The following GRID2 variants were observed in gnomAD, a reference collection of about 807,000 sequenced individuals.
The protein encoded by GRID2 is glutamate receptor ionotropic, delta-2.
A neutral mutation model predicts 114.8 loss-of-function variants in GRID2; 33 were observed. The ratio of observed to expected loss-of-function variants is 0.29; its 90% CI spans 0.22 to 0.38. The LOEUF (loss-of-function observed/expected upper bound fraction) is 0.38, where lower values mean the gene tolerates loss of function less well. Among genes scored for constraint, GRID2 ranks in the 10% least tolerant of loss-of-function variants. The pLI, the probability that GRID2 is intolerant of heterozygous loss-of-function variation, is 1.00. For missense variants in GRID2, 1,184 were observed against 1,257.7 expected (o/e 0.94, Z 0.89); for synonymous variants, 505 against 449.9 (o/e 1.12, Z -1.55).
intron 8 of GRID2, among the ~76,000 whole-genome samples, chr4:93,366,570 G>A (rs950590206): frequency 7.9e-5 from 12 of 151,886 alleles, no homozygotes; most frequent in Admixed American, 3.9e-4. Context: ...CCCTGCCTCC[G>A]CTTGCCTTGT....
intron 8 of GRID2, among the ~76,000 whole-genome samples, chr4:93,324,494 T>C (rs1377904094): frequency 6.6e-6 from 1 of 152,166 alleles, no homozygotes; most frequent in African/African-American, 2.4e-5. Flanking sequence ...GGTCTAAAAG[T>C]CTCTTTTTTT....
chr4:92,305,204 G>C (rs1196293243), intron 1 of GRID2, among the ~76,000 whole-genome samples: 1 of 152,136 alleles, frequency 6.6e-6, no homozygotes, highest in Non-Finnish European at 1.5e-5. Flanking sequence ...CCTTCGGATC[G>C]AACAGGTGGT....
chr4:93,783,484 T>C (rs1420202814), intron 1 of GRID2, among the ~76,000 whole-genome samples: 2 of 152,170 alleles, frequency 1.3e-5, no homozygotes, highest in African/African-American at 4.8e-5. Flanking sequence ...CACTATGGGA[T>C]CCATAAAAAT....
intron 2 of GRID2, among the ~76,000 whole-genome samples, chr4:92,800,820 A>G (rs947119730): frequency 2.0e-5 from 3 of 151,994 alleles, no homozygotes; most frequent in Admixed American, 6.6e-5. Flanking sequence ...AATGTTTTCC[A>G]TATAATAAGA....
chr4:93,205,707 G>C (rs1029725105), intron 4 of GRID2, among the ~76,000 whole-genome samples: 4 of 152,018 alleles, frequency 2.6e-5, no homozygotes, highest in African/African-American at 9.7e-5. Context: ...GGTATTTCTA[G>C]TTCTAGACCC....
At chr4:92,358,215 G>A (rs1326489016) in intron 1 of GRID2, among the ~76,000 whole-genome samples, 1 of 151,996 alleles carries the variant, frequency 6.6e-6, no homozygotes. Context: ...GCAAGAATGT[G>A]CAAAGCACTG....
At chr4:93,402,599 C>G (rs1326555958) in intron 9 of GRID2, among the ~76,000 whole-genome samples, 1 of 151,904 alleles carries the variant, frequency 6.6e-6, no homozygotes, top group Non-Finnish European at 1.5e-5. Flanking sequence ...GAGTTTTAGG[C>G]CCCGTCACTG....
At chr4:92,724,298 C>G (rs1338134268) in intron 2 of GRID2, among the ~76,000 whole-genome samples, 1 of 152,124 alleles carries the variant, frequency 6.6e-6, no homozygotes, top group Non-Finnish European at 1.5e-5. Flanking sequence ...CCACCACTTT[C>G]CCATCCTTCA....
At chr4:93,574,479 A>G (rs1029961343) in intron 13 of GRID2, among the ~76,000 whole-genome samples, 20 of 152,208 alleles carry the variant, frequency 1.3e-4, no homozygotes, top group African/African-American at 4.3e-4. Flanking sequence ...TTACAGTTCC[A>G]TGTGGCTGCA....
chr4:92,553,372 G>A (rs1039189189), intron 1 of GRID2, among the ~76,000 whole-genome samples: 1 of 152,154 alleles, frequency 6.6e-6, no homozygotes, highest in African/African-American at 2.4e-5. Flanking sequence ...ATGGTTTAAT[G>A]TGTTGAACAG....
At chr4:93,675,649 C>T (rs1386877398) in intron 14 of GRID2, among the ~76,000 whole-genome samples, 1 of 152,118 alleles carries the variant, frequency 6.6e-6, no homozygotes, top group African/African-American at 2.4e-5. Flanking sequence ...GGCAGTGGAT[C>T]CCGAGCTCAC....
intron 1 of GRID2, among the ~76,000 whole-genome samples, chr4:93,802,282 A>G (rs1040903646): frequency 6.6e-6 from 1 of 152,202 alleles, no homozygotes; most frequent in Non-Finnish European, 1.5e-5. Flanking sequence ...GGAGCTCTTC[A>G]TCACTTACAT....
At chr4:93,539,849 T>C (rs1732475955) in intron 13 of GRID2, among the ~76,000 whole-genome samples, 1 of 152,028 alleles carries the variant, frequency 6.6e-6, no homozygotes, top group Admixed American at 6.6e-5. Flanking sequence ...TGGTATCTCT[T>C]CTTGGTTCCT....
chr4:92,613,529 G>T (rs1729851879), intron 2 of GRID2, among the ~76,000 whole-genome samples: 1 of 151,450 alleles, frequency 6.6e-6, no homozygotes, highest in African/African-American at 2.4e-5. Flanking sequence ...GAAGTTAGCA[G>T]TATGTTCTGA....
intron 2 of GRID2, among the ~76,000 whole-genome samples, chr4:92,974,639 A>T (rs1258072487): frequency 2.0e-5 from 3 of 151,968 alleles, no homozygotes; most frequent in Non-Finnish European, 4.4e-5. Flanking sequence ...AACAATGAGA[A>T]CACATGGACA....
chr4:92,466,987 A>G (rs1245778203), intron 1 of GRID2, among the ~76,000 whole-genome samples: 1 of 151,796 alleles, frequency 6.6e-6, no homozygotes, highest in Admixed American at 6.6e-5. Context: ...TTAAAATCTT[A>G]ATTATCAATG....
chr4:93,175,240 G>A (rs1487131451), intron 4 of GRID2, among the ~76,000 whole-genome samples: 13 of 151,896 alleles, frequency 8.6e-5, no homozygotes, highest in Admixed American at 2.6e-4. Flanking sequence ...GCATGATCTC[G>A]GCTCACCGCA....
At chr4:92,780,812 C>T (rs1182059025) in intron 2 of GRID2, among the ~76,000 whole-genome samples, 1 of 152,098 alleles carries the variant, frequency 6.6e-6, no homozygotes, top group Non-Finnish European at 1.5e-5. Flanking sequence ...TTAAAACTTG[C>T]TTATATGCCT....
chr4:92,448,367 A>G (rs1245926549), intron 1 of GRID2, among the ~76,000 whole-genome samples: 1 of 151,994 alleles, frequency 6.6e-6, no homozygotes, highest in Non-Finnish European at 1.5e-5. Flanking sequence ...GGGTTTCACT[A>G]TCTTGGCCAG....
Sources: gnomAD v4.1 joint callset for allele counts (sites outside exome capture counted in the v4.1 genomes callset) on GRCh38, gnomAD v4.1.1 for gene constraint, MANE v1.5 for transcripts, NCBI Gene and HGNC (gene_info 2026-07-23, HGNC 2026-07-21) for gene names.